The following MARCHF4 variants were observed in gnomAD, a reference collection of about 807,000 sequenced individuals.
MARCHF4 encodes the protein E3 ubiquitin-protein ligase MARCHF4.
In MARCHF4, 14 loss-of-function variants were observed where a neutral mutation model predicts 43.9. The observed-to-expected ratio is 0.32, with a 90% CI of 0.21 to 0.50. The LOEUF is 0.50. MARCHF4 is among the 20% of genes least tolerant of loss of function. MARCHF4 has a pLI of 0.98. For synonymous variants in MARCHF4, 226 were observed against 213.3 expected (o/e 1.06, Z -0.52); for missense variants, 468 against 536.7 (o/e 0.87, Z 1.27).
At chr2:216,303,912 T>C (rs1405877776) in intron 1 of MARCHF4, among the ~76,000 whole-genome samples, 1 of 152,096 alleles carries the variant, frequency 6.6e-6, no homozygotes, top group East Asian at 1.9e-4. Context: ...GAGTTCTTTG[T>C]AAAGGAAGGG....
At chr2:216,263,521 G>GAGAGAGAGAA (rs1690785529) in intron 3 of MARCHF4, among the ~76,000 whole-genome samples, 1 of 127,218 alleles carries the variant, frequency 7.9e-6, no homozygotes, top group African/African-American at 3.1e-5. Context: ...GAGAGAGAGA[G>GAGAGAGAGAA]AGAGAGAGAG....
intron 1 of MARCHF4, among the ~76,000 whole-genome samples, chr2:216,328,557 C>T (rs1397000685): frequency 6.6e-6 from 1 of 152,150 alleles, no homozygotes; most frequent in Non-Finnish European, 1.5e-5. Flanking sequence ...CTCCAGGGGC[C>T]GTTAGAGCCC....
chr2:216,328,567 C>G (rs1464618666), intron 1 of MARCHF4, among the ~76,000 whole-genome samples: 3 of 152,160 alleles, frequency 2.0e-5, no homozygotes, highest in Non-Finnish European at 4.4e-5. Context: ...CGTTAGAGCC[C>G]TTGTTCACTT....
At chr2:216,324,317 T>C (rs2105966120) in intron 1 of MARCHF4, among the ~76,000 whole-genome samples, 1 of 146,852 alleles carries the variant, frequency 6.8e-6, no homozygotes, top group Non-Finnish European at 1.5e-5. Context: ...ATTGTGGCAA[T>C]AATCAATAGC....
intron 3 of MARCHF4, among the ~76,000 whole-genome samples, chr2:216,276,887 C>A (rs1691032945): frequency 6.6e-6 from 1 of 152,070 alleles, no homozygotes; most frequent in Non-Finnish European, 1.5e-5. Flanking sequence ...CCGCAACCAC[C>A]CAAACTACAT....
At chr2:216,330,118 A>G (rs971581353) in intron 1 of MARCHF4, among the ~76,000 whole-genome samples, 1 of 152,090 alleles carries the variant, frequency 6.6e-6, no homozygotes, top group Non-Finnish European at 1.5e-5. Context: ...TGCCTAGTAT[A>G]CACCAATCAA....
At chr2:216,300,358 A>ATATATATACGTATATATATATGTG (rs1691475632) in intron 1 of MARCHF4, among the ~76,000 whole-genome samples, 8 of 143,328 alleles carry the variant, frequency 5.6e-5, no homozygotes, top group African/African-American at 2.3e-4. Flanking sequence ...ATGTATATAT[A>ATATATATACGTATATATATATGTG]TATATATATA....
At chr2:216,330,990 T>A (rs1692074397) in intron 1 of MARCHF4, among the ~76,000 whole-genome samples, 1 of 151,774 alleles carries the variant, frequency 6.6e-6, no homozygotes, top group South Asian at 2.1e-4. Context: ...GATCAGAAAT[T>A]AATGAATTAG....
At chr2:216,270,246 T>G (rs1180874860) in intron 3 of MARCHF4, among the ~76,000 whole-genome samples, 6 of 152,152 alleles carry the variant, frequency 3.9e-5, no homozygotes, top group Non-Finnish European at 8.8e-5. Flanking sequence ...TGGCTAATTT[T>G]TTAAATTTTT....
chr2:216,328,704 A>C (rs1559100863), intron 1 of MARCHF4, among the ~76,000 whole-genome samples: 1 of 152,238 alleles, frequency 6.6e-6, no homozygotes, highest in Non-Finnish European at 1.5e-5. Context: ...AAGAGCAATA[A>C]CAATGACATC....
chr2:216,326,227 C>T (rs1223857385), intron 1 of MARCHF4, among the ~76,000 whole-genome samples: 1 of 152,134 alleles, frequency 6.6e-6, no homozygotes, highest in East Asian at 1.9e-4. Context: ...CCATCACTGG[C>T]CATCAGAGAA....
In MARCHF4 at chr2:216,347,499, A is replaced by G. The variant is rs548450963; in HGVS notation, c.516+22246T>C. 2.0e-5 allele frequency among the ~76,000 whole-genome samples: 3 copies of G among 152,308 alleles called. No homozygotes were observed. In the East Asian group the frequency reaches 5.8e-4, roughly 29 times the overall value. On this transcript the variant is annotated intron_variant, in intron 1 of 3. Coordinates refer to ENST00000273067, the MANE Select transcript of MARCHF4 (RefSeq NM_020814.3). ...TCTCTTTATCCAGAGAGTAGAAGCC[A>G]TAGAAGAACACGGTGTTTGAAAAAT...
chr2:216,314,505 T>C (rs1231804982), intron 1 of MARCHF4, among the ~76,000 whole-genome samples: 1 of 152,108 alleles, frequency 6.6e-6, no homozygotes. Context: ...TGTATTTTTG[T>C]AGAGATGGGT....
intron 1 of MARCHF4, among the ~76,000 whole-genome samples, chr2:216,312,758 TC>T (rs1397535635): frequency 6.6e-6 from 1 of 152,200 alleles, no homozygotes; most frequent in East Asian, 1.9e-4. Context: ...TTATTTGAGT[TC>T]CCTGTAGGTT....
chr2:216,298,179 T>C (rs1419120053), intron 1 of MARCHF4, among the ~76,000 whole-genome samples: 1 of 152,058 alleles, frequency 6.6e-6, no homozygotes, highest in Non-Finnish European at 1.5e-5. Context: ...AAAAGTTCTA[T>C]TTTTAAATTC....
chr2:216,313,149 T>C (rs141269469), intron 1 of MARCHF4, among the ~76,000 whole-genome samples: 1 of 152,266 alleles, frequency 6.6e-6, no homozygotes, highest in Non-Finnish European at 1.5e-5. Context: ...CCTTTCCCCA[T>C]TGTTTATTTT....
At chr2:216,325,279 A>G (rs1376195102) in intron 1 of MARCHF4, among the ~76,000 whole-genome samples, 2 of 152,218 alleles carry the variant, frequency 1.3e-5, no homozygotes, top group Non-Finnish European at 2.9e-5. Context: ...GACCTCTTCA[A>G]GGAGAACTAC....
intron 1 of MARCHF4, among the ~76,000 whole-genome samples, chr2:216,324,186 C>T (rs1285056553): frequency 6.8e-6 from 1 of 148,004 alleles, no homozygotes; most frequent in Non-Finnish European, 1.5e-5. Context: ...ACTACAAACA[C>T]CTCTATGCAA....
intron 1 of MARCHF4, among the ~76,000 whole-genome samples, chr2:216,311,272 C>A (rs1559096094): frequency 6.6e-6 from 1 of 151,846 alleles, no homozygotes; most frequent in East Asian, 1.9e-4. Context: ...GGGGGGATCT[C>A]ACTTTGTCAG....
Sources: gnomAD v4.1 joint callset for allele counts (sites outside exome capture counted in the v4.1 genomes callset) on GRCh38, gnomAD v4.1.1 for gene constraint, MANE v1.5 for transcripts, NCBI Gene and HGNC (gene_info 2026-07-23, HGNC 2026-07-21) for gene names.